Variants in TRIOBP observed in about 807,000 individuals in gnomAD.
TRIOBP encodes the protein TRIO and F-actin-binding protein.
TRIOBP carries 169 observed loss-of-function variants against 238.8 expected under a neutral mutation model. The observed-to-expected ratio is 0.71, with a 90% CI of 0.62 to 0.80. The LOEUF is 0.80. Ranked by LOEUF, TRIOBP falls within the 30% of genes least tolerant of loss-of-function variation. The pLI is 0.00. For synonymous variants in TRIOBP, 1,150 were observed against 1,274.4 expected (o/e 0.90, Z 2.08); for missense variants, 2,838 against 3,122.6 (o/e 0.91, Z 2.17).
intron 7 of TRIOBP, among the ~76,000 whole-genome samples, chr22:37,729,276 C>G (rs543744916): frequency 6.6e-6 from 1 of 151,446 alleles, no homozygotes; most frequent in South Asian, 2.1e-4. Flanking sequence ...AGTGCAGTGG[C>G]GTGATCATGG....
intron 21 of TRIOBP, among the ~76,000 whole-genome samples, chr22:37,770,154 C>T (rs1010863963): frequency 1.4e-5 from 2 of 147,954 alleles, no homozygotes; most frequent in Non-Finnish European, 3.0e-5. Flanking sequence ...AAACGATTCT[C>T]CTGGCCGGGC....
In TRIOBP at chr22:37,701,325, C is replaced by T; in HGVS notation, c.-41C>T. ...TGCCAGGCCTCACATAGACGGTCAG[C>T]CATTGGATCATAGGAACTGCCCTGG... On this transcript the variant is annotated 5_prime_UTR_variant, in exon 3 of 24. Coordinates refer to ENST00000644935, the MANE Select transcript of TRIOBP (RefSeq NM_001039141.3). The T allele has an allele frequency of 6.6e-7, 1 of 1,516,568 alleles. No individual in the cohort carries two copies. Among genetic ancestry groups the T allele is most frequent in the Non-Finnish European group, 9.1e-7 (1 of 1,100,420 alleles). The allele number at this position is 1,516,568 out of a possible 1,614,324, so 93.9% of individuals were successfully genotyped here.
At chr22:37,704,278 G>T (rs544488435) in intron 3 of TRIOBP, among the ~76,000 whole-genome samples, 1 of 152,274 alleles carries the variant, frequency 6.6e-6, no homozygotes, top group African/African-American at 2.4e-5. Flanking sequence ...AGTTACTCAG[G>T]AGGCTGAGGT....
chr22:37,731,807 C>T (rs1378300627), intron 7 of TRIOBP, among the ~76,000 whole-genome samples: 1 of 152,148 alleles, frequency 6.6e-6, no homozygotes, highest in Non-Finnish European at 1.5e-5. Flanking sequence ...CTAGGCTGGT[C>T]TTGAACTCCT....
At chr22:37,708,022 GGATCACGA>G in intron 3 of TRIOBP, among the ~76,000 whole-genome samples, 1 of 149,766 alleles carries the variant, frequency 6.7e-6, no homozygotes, top group East Asian at 2.0e-4. Flanking sequence ...CGAGGCGGGC[GGATCACGA>G]GATCAGGAGA....
Position 37,754,887 on chromosome 22 carries a change from C to A in TRIOBP, c.5390C>A (p.Pro1797His). The change falls in exon 13 of 24, where the codon CCC becomes CAC. Residue 1797 changes from proline to histidine, a missense_variant. By Grantham distance (77) the Pro-to-His change is moderately conservative (BLOSUM62 -2). This residue lies in a region of TRIOBP where 2,096 missense variants were observed against 2,137.4 expected (regional missense o/e 0.98). Transcript: ENST00000644935. Reference sequence around the variant, plus strand: ...CCATCCTCCTTGCAGCCTCCCTCCCCCTCGCTCACCACCACCTCTACTTCG... The same window carrying A: ...CCATCCTCCTTGCAGCCTCCCTCCCACTCGCTCACCACCACCTCTACTTCG... ...ILDEPGEPPS[P>H]SLTTTSTSQW... The A allele has an allele frequency of 6.2e-7, 1 of 1,614,146 alleles. No homozygotes were observed. Among genetic ancestry groups the A allele is most frequent in the Non-Finnish European group, 8.5e-7 (1 of 1,180,042 alleles).
intron 3 of TRIOBP, among the ~76,000 whole-genome samples, chr22:37,703,711 A>G (rs915276098): frequency 2.1e-4 from 32 of 151,620 alleles, no homozygotes; most frequent in African/African-American, 7.0e-4. Flanking sequence ...TCACCATGTT[A>G]GCCAGGATGG....
Position 37,734,359 on chromosome 22 carries a change from CAGAG to C in TRIOBP, c.4063-33_4063-30del, listed in dbSNP as rs541970309. On this transcript the variant is annotated intron_variant, in intron 8 of 23. Transcript: ENST00000644935. ...AAGGCAGAGCTGGCAGCCAGGTCCC[CAGAG>C]AGAGAGCCTCACCTACCCCCTCACC... The C allele has an allele frequency of 2.4e-4, 373 of 1,583,638 alleles. 2 individuals carry two copies. In the South Asian group the frequency reaches 3.9e-3, roughly 17 times the overall value.
chr22:37,718,213 G>T (rs953940884), intron 6 of TRIOBP, among the ~76,000 whole-genome samples: 1 of 152,220 alleles, frequency 6.6e-6, no homozygotes, highest in African/African-American at 2.4e-5. Context: ...GTTCCCGCTC[G>T]CGCCTCTCCC....
intron 11 of TRIOBP, among the ~76,000 whole-genome samples, chr22:37,745,387 T>C (rs1925169384): frequency 6.6e-6 from 1 of 151,640 alleles, no homozygotes; most frequent in Non-Finnish European, 1.5e-5. Flanking sequence ...GTGCCTTGCT[T>C]AAGGTAACAC....
intron 1 of TRIOBP, among the ~76,000 whole-genome samples, chr22:37,697,380 TCTC>T (rs1185668034): frequency 1.3e-5 from 2 of 151,778 alleles, no homozygotes; most frequent in Admixed American, 1.3e-4. Context: ...TGAGCGGCGT[TCTC>T]CTGCTAGGCG....
intron 12 of TRIOBP, among the ~76,000 whole-genome samples, chr22:37,752,865 A>G (rs1313432729): frequency 6.6e-6 from 1 of 152,092 alleles, no homozygotes; most frequent in Non-Finnish European, 1.5e-5. Context: ...AGCCAGCCCA[A>G]CCCCTTGGTG....
intron 17 of TRIOBP, among the ~76,000 whole-genome samples, 182 bp from the exon 18 acceptor site, chr22:37,765,488 T>G (rs956572199): frequency 4.6e-5 from 6 of 131,248 alleles, no homozygotes; most frequent in Admixed American, 8.1e-5. Context: ...AGCGACAAGG[T>G]GAGGTTTGTG....
At chr22:37,746,337 G>A (rs1397318418) in intron 11 of TRIOBP, 1 of 1,166,898 alleles carries the variant, frequency 8.6e-7, no homozygotes, top group Non-Finnish European at 1.1e-6. Flanking sequence ...CGGCGGCGGG[G>A]TTCCCGCGCC....
intron 16 of TRIOBP, among the ~76,000 whole-genome samples, chr22:37,758,351 C>T (rs1415326342): frequency 6.6e-6 from 1 of 152,124 alleles, no homozygotes; most frequent in Non-Finnish European, 1.5e-5. Context: ...TTTCCTAGTT[C>T]TGCCCTTAGC....
At chr22:37,762,131 C>T (rs1363194534) in intron 17 of TRIOBP, among the ~76,000 whole-genome samples, 1 of 152,154 alleles carries the variant, frequency 6.6e-6, no homozygotes, top group Non-Finnish European at 1.5e-5. Flanking sequence ...AGTGCAGTGG[C>T]ACAGAGGCTC....
chr22:37,750,645 T>C (rs1466347063), intron 11 of TRIOBP: 1 of 471,124 alleles, frequency 2.1e-6, no homozygotes, highest in Admixed American at 2.3e-5. Flanking sequence ...TAGACAGGTA[T>C]ACAGGGAGGG....
At chr22:37,749,721 C>T (rs1043749504) in intron 11 of TRIOBP, among the ~76,000 whole-genome samples, 37 of 139,900 alleles carry the variant, frequency 2.6e-4, no homozygotes, top group African/African-American at 9.2e-4. Flanking sequence ...CCGAGGTGAG[C>T]GGATCACTTG....
Position 37,723,693 on chromosome 22 carries a change from G to A in TRIOBP, c.1137G>A (p.Arg379=). 1 of 1,612,464 alleles carries A rather than the reference G, an allele frequency of 6.2e-7. No individual in the cohort carries two copies. Residue 379 remains arginine (R), a synonymous_variant, in exon 7 of 24, where the codon AGG becomes AGA. Transcript: ENST00000644935. ...PTCTPQRENP[R]TPCVQQDDPR... is the part of the protein sequence containing the mutation. ...GTACTCCCCAGCGGGAAAACCCCAG[G>A]ACACCCTGTGTCCAGCAGGACGATC... is the stretch of plus-strand genomic sequence containing the variant.
Sources: gnomAD v4.1 joint callset for allele counts (sites outside exome capture counted in the v4.1 genomes callset) on GRCh38, gnomAD v4.1.1 for gene constraint, gnomAD v4.1.1 regional missense constraint, MANE v1.5 for transcripts, NCBI Gene and HGNC (gene_info 2026-07-23, HGNC 2026-07-21) for gene names.